MTPN: variants seen among roughly 807,000 people sequenced by gnomAD.
MTPN encodes the protein myotrophin.
In MTPN, 2 loss-of-function variants were observed where a neutral mutation model predicts 13.5. The ratio of observed to expected loss-of-function variants is 0.15; its 90% CI spans 0.06 to 0.47. MTPN has a LOEUF of 0.47. MTPN is among the 20% of genes least tolerant of loss of function. The pLI is 0.97. For missense variants in MTPN, 79 were observed against 137.9 expected, an observed-to-expected ratio of 0.57 and a Z score of 2.14; for synonymous variants, 46 against 51.7, an observed-to-expected ratio of 0.89 and a Z score of 0.48.
intron 3 of MTPN, among the ~76,000 whole-genome samples, chr7:135,945,879 T>C (rs535162225): frequency 6.6e-6 from 1 of 152,302 alleles, no homozygotes; most frequent in East Asian, 1.9e-4. Context: ...TGAAACGTCA[T>C]TATATGGCAC....
At chr7:135,955,961 G>A (rs1228412332) in intron 1 of MTPN, among the ~76,000 whole-genome samples, 1 of 152,130 alleles carries the variant, frequency 6.6e-6, no homozygotes, top group Non-Finnish European at 1.5e-5. Context: ...GTGAAAGACT[G>A]AATGCTTTCC....
rs1446917124 is a variant in MTPN, at chr7:135,927,703, A to T, written c.*2223T>A. 2 of 532,270 alleles carry T rather than the reference A, an allele frequency of 3.8e-6. No individual in the cohort carries two copies. The highest frequency in any genetic ancestry group is 4.6e-5 in the Admixed American group (2 of 43,752). 33.0% of individuals were successfully genotyped at this position (532,270 alleles called of 1,614,324 possible). On this transcript the variant is annotated 3_prime_UTR_variant, in exon 4 of 4. Transcript: ENST00000393085. ...GGTCAGTCTATTCTATTCTATGTTT[A>T]TATGTTATTTTCTCAAGCAATCGCT... is the stretch of plus-strand genomic sequence containing the variant.
intron 2 of MTPN, among the ~76,000 whole-genome samples, chr7:135,951,099 A>G (rs1486473205): frequency 6.6e-6 from 1 of 152,218 alleles, no homozygotes; most frequent in East Asian, 1.9e-4. Flanking sequence ...AGAAGCTACA[A>G]AAGGCTAAAG....
In MTPN at chr7:135,929,360, C is replaced by A. The variant is rs1424982489; in HGVS notation, c.*566G>T. The A allele has an allele frequency of 6.0e-6, 1 of 166,986 alleles. No homozygotes were observed. Among genetic ancestry groups the A allele is most frequent in the Non-Finnish European group, 1.5e-5 (1 of 68,170 alleles). The allele number at this position is 166,986 out of a possible 1,614,324, so 10.3% of individuals were successfully genotyped here. On this transcript the variant is annotated 3_prime_UTR_variant, in exon 4 of 4. Coordinates refer to ENST00000393085, the MANE Select transcript of MTPN (RefSeq NM_145808.4). ...TGTGCCCCTCCTCACCTTAACTAAG[C>A]TTTCACATAAAGCTTAAAGTCACCG... is the stretch of plus-strand genomic sequence containing the variant.
At chr7:135,967,076 G>C (rs1306845786) in intron 1 of MTPN, among the ~76,000 whole-genome samples, 1 of 151,990 alleles carries the variant, frequency 6.6e-6, no homozygotes, top group Non-Finnish European at 1.5e-5. Flanking sequence ...ATGCACCTTG[G>C]TTTTTTCTTA....
chr7:135,932,005 A>G (rs900372822), intron 3 of MTPN, among the ~76,000 whole-genome samples: 1 of 152,148 alleles, frequency 6.6e-6, no homozygotes, highest in South Asian at 2.1e-4. Context: ...TTGTTAACAA[A>G]TGTGAACAGT....
chr7:135,975,079 T>C (rs946913504), intron 1 of MTPN, among the ~76,000 whole-genome samples: 4 of 152,196 alleles, frequency 2.6e-5, no homozygotes, highest in Non-Finnish European at 5.9e-5. Flanking sequence ...CTACCCTCCC[T>C]CTTATGCAAA....
At chr7:135,934,910 T>G (rs1391823039) in intron 3 of MTPN, among the ~76,000 whole-genome samples, 1 of 152,188 alleles carries the variant, frequency 6.6e-6, no homozygotes, top group Non-Finnish European at 1.5e-5. Context: ...CAACGTGCTC[T>G]TCCTAATCAT....
At chr7:135,968,408 C>T (rs1328606270) in intron 1 of MTPN, among the ~76,000 whole-genome samples, 1 of 151,614 alleles carries the variant, frequency 6.6e-6, no homozygotes, top group Non-Finnish European at 1.5e-5. Flanking sequence ...AATCACAGCT[C>T]CTCTTTACAC....
chr7:135,946,116 G>T (rs1163190146), intron 3 of MTPN, among the ~76,000 whole-genome samples: 1 of 152,150 alleles, frequency 6.6e-6, no homozygotes, highest in Non-Finnish European at 1.5e-5. Flanking sequence ...TACTGTAAAT[G>T]AACTCTGAAC....
intron 1 of MTPN, among the ~76,000 whole-genome samples, chr7:135,953,256 C>T (rs897950172): frequency 3.3e-5 from 5 of 152,180 alleles, no homozygotes; most frequent in Non-Finnish European, 5.9e-5. Flanking sequence ...CTCTCTTTCT[C>T]GTAAAACTCA....
At chr7:135,935,364 G>A (rs1294047393) in intron 3 of MTPN, among the ~76,000 whole-genome samples, 1 of 151,630 alleles carries the variant, frequency 6.6e-6, no homozygotes, top group Non-Finnish European at 1.5e-5. Flanking sequence ...TCAGCCTCCC[G>A]AGTAGCTGGG....
At chr7:135,974,535 GT>G (rs1799743910) in intron 1 of MTPN, among the ~76,000 whole-genome samples, 1 of 151,890 alleles carries the variant, frequency 6.6e-6, no homozygotes, top group Non-Finnish European at 1.5e-5. Context: ...AAAAAACCCT[GT>G]TTCCAAAAAA....
intron 1 of MTPN, among the ~76,000 whole-genome samples, chr7:135,974,178 T>G (rs988554287): frequency 6.6e-6 from 1 of 152,148 alleles, no homozygotes; most frequent in African/African-American, 2.4e-5. Context: ...CTTCGAACTT[T>G]AATAGAGAAG....
chr7:135,974,158 G>C (rs1316627001), intron 1 of MTPN, among the ~76,000 whole-genome samples: 2 of 152,120 alleles, frequency 1.3e-5, no homozygotes, highest in Non-Finnish European at 2.9e-5. Context: ...ATGATTTAGG[G>C]ATACTCACAC....
chr7:135,977,238 CAGGCGGGCGAGG>C lies in MTPN; in HGVS notation c.-150_-139del, dbSNP rs902471500. 6.2e-5 allele frequency: 53 copies of C among 861,764 alleles called. No homozygotes were observed. Among genetic ancestry groups the C allele is most frequent in the East Asian group, 4.5e-4 (18 of 40,278 alleles). The allele number at this position is 861,764 out of a possible 1,614,324, so 53.4% of individuals were successfully genotyped here. A position where few individuals can be genotyped will look rare whatever the true frequency, so the allele number is the denominator to read the frequency against. ...AAGAAGAGAAGGAGGGTTAGGCTGC[CAGGCGGGCGAGG>C]CAGTTGGCCGCGGCGACCGTTCGGG... is the stretch of plus-strand genomic sequence containing the variant. On this transcript the variant is annotated 5_prime_UTR_variant, in exon 1 of 4. Coordinates refer to ENST00000393085, the MANE Select transcript of MTPN (RefSeq NM_145808.4).
chr7:135,958,691 T>A (rs1380681141), intron 1 of MTPN, among the ~76,000 whole-genome samples: 1 of 152,214 alleles, frequency 6.6e-6, no homozygotes, highest in African/African-American at 2.4e-5. Context: ...TACTTGTGTT[T>A]AACAGTCACA....
chr7:135,961,588 C>T (rs1374442593), intron 1 of MTPN, among the ~76,000 whole-genome samples: 6 of 151,460 alleles, frequency 4.0e-5, no homozygotes, highest in Non-Finnish European at 7.4e-5. Context: ...ATTTGAACTC[C>T]TGGGCTAAAG....
chr7:135,971,734 T>G (rs752128773), intron 1 of MTPN, among the ~76,000 whole-genome samples: 1 of 152,204 alleles, frequency 6.6e-6, no homozygotes, highest in Non-Finnish European at 1.5e-5. Context: ...ATACATAAAA[T>G]TTAATAAACA....
Sources: gnomAD v4.1 joint callset for allele counts (sites outside exome capture counted in the v4.1 genomes callset) on GRCh38, gnomAD v4.1.1 for gene constraint, MANE v1.5 for transcripts, NCBI Gene and HGNC (gene_info 2026-07-23, HGNC 2026-07-21) for gene names.